TRPV4: variants seen among roughly 807,000 people sequenced by gnomAD.
The protein encoded by TRPV4 is transient receptor potential cation channel subfamily V member 4.
A neutral mutation model predicts 84.1 loss-of-function variants in TRPV4; 58 were observed. The observed-to-expected ratio is 0.69, with a 90% CI of 0.56 to 0.86. The LOEUF (loss-of-function observed/expected upper bound fraction) is 0.86. Ranked by LOEUF, TRPV4 falls within the 40% of genes least tolerant of loss-of-function variation. The probability of loss-of-function intolerance (pLI) is 0.00; values close to 1 mark genes in which losing one functional copy is unlikely to be tolerated. For synonymous variants in TRPV4, 489 were observed against 500.9 expected, an observed-to-expected ratio of 0.98 and a Z score of 0.32; for missense variants, 879 against 1,181.1, an observed-to-expected ratio of 0.74 and a Z score of 3.75.
intron 1 of TRPV4, among the ~76,000 whole-genome samples, chr12:109,829,359 AC>A (rs1301697524): frequency 1.3e-5 from 2 of 152,220 alleles, no homozygotes; most frequent in Non-Finnish European, 2.9e-5. Flanking sequence ...TGGGATTTGA[AC>A]CTGGGCAGCT....
rs1891750789 is a variant in TRPV4 at position 109,814,674 on chromosome 12, C to G, written c.123G>C (p.Glu41Asp). ...AGGGCGAAAGGGAGCCATCCTCCCC[C>G]TCAAACAGATTGGCCAGGGAGGAGA... ...FPLSSLANLF[E>D]GEDGSLSPSP... is the part of the protein sequence containing the mutation. The change falls in exon 2 of 16, where the codon GAG becomes GAC. Residue 41 changes from glutamate to aspartate, a missense_variant. Glu to Asp is a conservative substitution (Grantham distance 45). This residue lies in a region of TRPV4 where 107 missense variants were observed against 99.4 expected (regional missense o/e 1.08). Coordinates refer to ENST00000261740, the MANE Select transcript of TRPV4 (RefSeq NM_021625.5). The surrounding 1 kb of genome is among the most constrained non-coding windows in gnomAD (Gnocchi z 5.4). 1.9e-6 allele frequency: 3 copies of G among 1,612,912 alleles called. No homozygotes were observed. Among genetic ancestry groups the G allele is most frequent in the East Asian group, 4.5e-5 (2 of 44,834 alleles).
At chr12:109,794,243 G>A (rs56214813) in intron 8 of TRPV4, 86 bp downstream of exon 8, 8 of 1,552,746 alleles carry the variant, frequency 5.2e-6, no homozygotes, top group Non-Finnish European at 7.0e-6. Flanking sequence ...CCCTACAGGG[G>A]ACCCAGAAGG....
Position 109,796,617 on chromosome 12 carries a change from C to A in TRPV4, c.1240G>T (p.Val414Leu). The A allele has an allele frequency of 6.2e-7, 1 of 1,614,222 alleles. No homozygotes were observed. Among genetic ancestry groups the A allele is most frequent in the South Asian group, 1.1e-5 (1 of 91,086 alleles). The change falls in exon 7 of 16, where the codon GTG becomes TTG. Residue 414 changes from valine (V) to leucine (L), a missense_variant. This residue lies in a region of TRPV4 where 521 missense variants were observed against 686.6 expected (regional missense o/e 0.76). Coordinates refer to ENST00000261740, the MANE Select transcript of TRPV4 (RefSeq NM_021625.5). The surrounding 1 kb of genome is among the most constrained non-coding windows in gnomAD (Gnocchi z 4.2). ...RKFKDWAYGP[V>L]YSSLYDLSSL... ...GAGAGGTCATAAAGCGAGGAATACA[C>A]TGGCCCATAGGCCCAGTCCTTGAAC...
intron 1 of TRPV4, among the ~76,000 whole-genome samples, chr12:109,829,375 T>A (rs1167495673): frequency 6.6e-6 from 1 of 152,206 alleles, no homozygotes; most frequent in African/African-American, 2.4e-5. Context: ...GCAGCTGGGC[T>A]CCAGCCCTAG....
chr12:109,802,411 C>G (rs1890848189), intron 4 of TRPV4, among the ~76,000 whole-genome samples: 1 of 151,700 alleles, frequency 6.6e-6, no homozygotes, highest in Non-Finnish European at 1.5e-5. Flanking sequence ...AAGCGATTCT[C>G]CTGCCTCAGC....
rs1234933285 is a variant in TRPV4, at chr12:109,814,718, C to G, written c.79G>C (p.Gly27Arg). Residue 27 changes from glycine to arginine, a missense_variant, in exon 2 of 16, where the codon GGT becomes CGT. By Grantham distance (125) the Gly-to-Arg change is moderately radical. Coordinates refer to ENST00000261740, the MANE Select transcript of TRPV4 (RefSeq NM_021625.5). The surrounding 1 kb of genome is among the most constrained non-coding windows in gnomAD (Gnocchi z 5.4). ...ELPGDESGTPGGEAFPLSSLA... is the reference protein window; with the variant it reads ...ELPGDESGTPRGEAFPLSSLA... Reference sequence around the variant, plus strand: ...GAGGAGAGAGGAAAAGCCTCCCCACCTGGGGTGCCACTCTCATCCCCGGGG... The same window carrying G: ...GAGGAGAGAGGAAAAGCCTCCCCACGTGGGGTGCCACTCTCATCCCCGGGG... The G allele has an allele frequency of 1.9e-6, 3 of 1,602,764 alleles. No individual in the cohort carries two copies. The highest frequency in any genetic ancestry group is 2.3e-5 in the East Asian group (1 of 44,332).
At chr12:109,806,873 G>GAAAAAAAAAAAAAAAAAAAAAAAA (rs533116934) in intron 3 of TRPV4, among the ~76,000 whole-genome samples, 1 of 93,726 alleles carries the variant, frequency 1.1e-5, no homozygotes, top group African/African-American at 4.5e-5. Context: ...AAAAAAAAAA[G>GAAAAAAAAAAAAAAAAAAAAAAAA]AAAAAAAAAA....
chr12:109,794,242 G>A (rs1890238799), intron 8 of TRPV4, 87 bp downstream of exon 8: 3 of 1,551,750 alleles, frequency 1.9e-6, no homozygotes, highest in Non-Finnish European at 2.6e-6. Flanking sequence ...CCCCTACAGG[G>A]GACCCAGAAG....
chr12:109,814,925 G>A lies in TRPV4; in HGVS notation c.-31-98C>T. 8.4e-7 allele frequency: 1 copy of A among 1,185,094 alleles called. No homozygotes were observed. The highest frequency in any genetic ancestry group is 1.2e-6 in the Non-Finnish European group (1 of 849,674). 73.4% of individuals were successfully genotyped at this position (1,185,094 alleles called of 1,614,324 possible). ...TGGACAAGCAGCAGTGCTGCCAGCT[G>A]CTTCAAAGCCACCGTTGTAATGACA... On this transcript the variant is annotated intron_variant, in intron 1 of 15. Coordinates refer to ENST00000261740, the MANE Select transcript of TRPV4 (RefSeq NM_021625.5). This position sits in a 1 kb window ranked among gnomAD's most constrained non-coding sequence, Gnocchi z 5.4.
chr12:109,788,950 T>A (rs973450089), intron 12 of TRPV4, among the ~76,000 whole-genome samples: 5 of 150,490 alleles, frequency 3.3e-5, no homozygotes, highest in African/African-American at 4.9e-5. Flanking sequence ...GAAGAGGTTA[T>A]CTCTCTCTCT....
chr12:109,791,417 GC>G lies in TRPV4; in HGVS notation c.1891+945del, dbSNP rs1890021245. Among the ~76,000 whole-genome samples the G allele has an allele frequency of 5.3e-5, 8 of 149,928 alleles. No individual in the cohort carries two copies. The South Asian group carries it at 1.5e-3, about 28-fold the overall frequency. On this transcript the variant is annotated intron_variant, in intron 12 of 15. Transcript: ENST00000261740. ...TAATAATAAGTGGGTGCTATTTTAA[GC>G]CCCACTTTAGGTGGCTTCCTTTGTA...
At chr12:109,811,212 A>G (rs928880210) in intron 2 of TRPV4, among the ~76,000 whole-genome samples, 4 of 151,764 alleles carry the variant, frequency 2.6e-5, no homozygotes, top group African/African-American at 7.3e-5. Flanking sequence ...ACCTCCCCCA[A>G]CTCACATGGC....
chr12:109,814,368 T>C lies in TRPV4; in HGVS notation c.386+43A>G. 3 of 1,603,056 alleles carry C rather than the reference T, an allele frequency of 1.9e-6. No homozygotes were observed. The highest frequency in any genetic ancestry group is 1.3e-5 in the African/African-American group (1 of 74,858). ...GGTGGATGATGAATGGGTGAATGGATACAGAGGAGGAGACCACAGGCCAGG... is the reference window on the plus strand; with the variant it reads ...GGTGGATGATGAATGGGTGAATGGACACAGAGGAGGAGACCACAGGCCAGG... On this transcript the variant is annotated intron_variant, in intron 2 of 15. Coordinates refer to ENST00000261740, the MANE Select transcript of TRPV4 (RefSeq NM_021625.5). This position sits in a 1 kb window ranked among gnomAD's most constrained non-coding sequence, Gnocchi z 5.4.
chr12:109,827,871 TAC>T (rs1386836015), intron 1 of TRPV4, among the ~76,000 whole-genome samples: 1 of 150,858 alleles, frequency 6.6e-6, no homozygotes, highest in Non-Finnish European at 1.5e-5. Context: ...TATACACACA[TAC>T]ACATACACAC....
At chr12:109,809,652 CCCATCCAT>C (rs201492027) in intron 2 of TRPV4, among the ~76,000 whole-genome samples, 165 of 148,408 alleles carry the variant, frequency 1.1e-3, no homozygotes, top group African/African-American at 3.9e-3. Flanking sequence ...CACCCACCCA[CCCATCCAT>C]CCATCCATCC....
rs1219584393 is a variant in TRPV4 at position 109,802,611 on chromosome 12, TTTA to T, written c.712+377_712+379del. Among the ~76,000 whole-genome samples, 24 of 91,650 alleles carry T rather than the reference TTTA, an allele frequency of 2.6e-4. No homozygotes were observed. In the Admixed American group the frequency reaches 2.9e-3, roughly 11 times the overall value. The allele number at this position is 91,650 out of a possible 152,430, so 60.1% of individuals were successfully genotyped here. A position where few individuals can be genotyped will look rare whatever the true frequency, so the allele number is the denominator to read the frequency against. The stretch of plus-strand genomic sequence containing the variant: ...GCCACCGCACCTGGCCTTCTTTTAT[TTTA>T]TTTTTTTTTTTTTGTATCTTTTGTC... On this transcript the variant is annotated intron_variant, in intron 4 of 15. Transcript: ENST00000261740.
intron 1 of TRPV4, among the ~76,000 whole-genome samples, chr12:109,821,969 G>GT (rs1028370323): frequency 1.2e-4 from 18 of 152,152 alleles, no homozygotes; most frequent in African/African-American, 3.4e-4. Flanking sequence ...TGAATATTTG[G>GT]TTTTTTTAGG....
At position 109,783,755 on chromosome 12, in the gene TRPV4, G is replaced by T. The variant is rs1467984181; in HGVS notation, c.2482C>A (p.Arg828Ser). ...GAGTTCTTGTTCAGTTCCACCACGC[G>T]GGGTACCACCGAGGACCAGCGATCT... ...RRDRWSSVVP[R>S]VVELNKNSNP... Residue 828 changes from arginine (R) to serine (S), a missense_variant, in exon 16 of 16, where the codon CGC (arginine) becomes AGC (serine). By Grantham distance (110) the Arg-to-Ser change is moderately radical. This residue lies in a region of TRPV4 where 242 missense variants were observed against 355.3 expected (regional missense o/e 0.68). Transcript: ENST00000261740. This position sits in a 1 kb window ranked among gnomAD's most constrained non-coding sequence, Gnocchi z 4.6. 1.2e-6 allele frequency: 2 copies of T among 1,613,118 alleles called. No individual in the cohort carries two copies. Among genetic ancestry groups the T allele is most frequent in the Non-Finnish European group, 1.7e-6 (2 of 1,179,954 alleles).
intron 1 of TRPV4, among the ~76,000 whole-genome samples, chr12:109,823,277 T>C (rs1295495214): frequency 1.3e-5 from 2 of 152,320 alleles, no homozygotes; most frequent in East Asian, 3.9e-4. Flanking sequence ...AGAGCCCCAG[T>C]GTCCTGCTGG....
Sources: allele counts gnomAD v4.1 joint callset (sites outside exome capture counted in the v4.1 genomes callset), GRCh38; gene constraint gnomAD v4.1.1; regional missense constraint gnomAD v4.1.1; non-coding constraint Gnocchi (gnomAD v3.1); transcripts MANE v1.5; gene names NCBI Gene and HGNC (gene_info 2026-07-23, HGNC 2026-07-21).